LDLRAD3: variants seen among roughly 807,000 people sequenced by gnomAD.
LDLRAD3 encodes low-density lipoprotein receptor class A domain-containing protein 3.
Under a neutral mutation model 29.4 loss-of-function variants are expected in LDLRAD3, and 20 were observed. The ratio of observed to expected loss-of-function variants is 0.68; its 90% CI spans 0.48 to 0.99. The LOEUF is 0.99. Ranked by LOEUF, LDLRAD3 falls within the 50% of genes least tolerant of loss-of-function variation. The probability of loss-of-function intolerance (pLI) is 0.00; values close to 1 mark genes in which losing one functional copy is unlikely to be tolerated. For missense variants in LDLRAD3, 420 were observed against 454.3 expected (o/e 0.92, Z 0.69); for synonymous variants, 157 against 192.7 (o/e 0.81, Z 1.53).
chr11:35,946,514 C>T (rs371902864), intron 1 of LDLRAD3, among the ~76,000 whole-genome samples: 3 of 152,078 alleles, frequency 2.0e-5, no homozygotes, highest in Non-Finnish European at 4.4e-5. Context: ...TGATTTTCAC[C>T]GTTACTATTT....
chr11:36,080,887 A>G (rs994329669), intron 2 of LDLRAD3, among the ~76,000 whole-genome samples: 2 of 152,168 alleles, frequency 1.3e-5, no homozygotes, highest in African/African-American at 4.8e-5. Flanking sequence ...CACCAGGGAC[A>G]CTCACTAGAG....
At chr11:36,045,033 G>A (rs1226995879) in intron 2 of LDLRAD3, among the ~76,000 whole-genome samples, 1 of 152,220 alleles carries the variant, frequency 6.6e-6, no homozygotes, top group African/African-American at 2.4e-5. Flanking sequence ...CTTCAGCACT[G>A]TAGGCCTAGA....
chr11:36,178,392 C>G (rs1240942500), intron 4 of LDLRAD3, among the ~76,000 whole-genome samples: 1 of 152,024 alleles, frequency 6.6e-6, no homozygotes, highest in African/African-American at 2.4e-5. Flanking sequence ...TCTTTGACCT[C>G]CATGGTTCAT....
intron 4 of LDLRAD3, among the ~76,000 whole-genome samples, chr11:36,168,312 AGCATGCAATTTTTGGT>A (rs1212468793): frequency 1.3e-5 from 2 of 152,152 alleles, no homozygotes; most frequent in African/African-American, 4.8e-5. Flanking sequence ...ACTAAGCTTG[AGCATGCAATTTTTGGT>A]GCCTCCCTGA....
At chr11:35,950,841 TG>T (rs905225498) in intron 1 of LDLRAD3, among the ~76,000 whole-genome samples, 17 of 152,120 alleles carry the variant, frequency 1.1e-4, no homozygotes, top group African/African-American at 4.1e-4. Context: ...CCCAGCACTT[TG>T]GGGGGCCGAG....
At chr11:36,101,984 G>A (rs1375588453) in intron 4 of LDLRAD3, 1 of 232,256 alleles carries the variant, frequency 4.3e-6, no homozygotes, top group South Asian at 4.0e-5. Context: ...CGCCTCCCAG[G>A]TTCACGCCAT....
At chr11:36,161,367 C>G (rs2133338405) in intron 4 of LDLRAD3, among the ~76,000 whole-genome samples, 1 of 152,270 alleles carries the variant, frequency 6.6e-6, no homozygotes, top group South Asian at 2.1e-4. Context: ...AAGTAGAAAT[C>G]AGGCTCTGGC....
intron 1 of LDLRAD3, among the ~76,000 whole-genome samples, chr11:36,021,549 C>A (rs1269139264): frequency 6.6e-6 from 1 of 152,164 alleles, no homozygotes; most frequent in Non-Finnish European, 1.5e-5. Flanking sequence ...GGGAGGCCCC[C>A]TGGTGACTTT....
chr11:36,217,752 C>T (rs1194474099), intron 4 of LDLRAD3, among the ~76,000 whole-genome samples: 1 of 151,952 alleles, frequency 6.6e-6, no homozygotes, highest in Non-Finnish European at 1.5e-5. Context: ...TTCCTAGCTT[C>T]TGGGGCCGCT....
chr11:36,082,621 A>ATTTG (rs1554963514), intron 3 of LDLRAD3, among the ~76,000 whole-genome samples: 7 of 151,908 alleles, frequency 4.6e-5, no homozygotes, highest in Non-Finnish European at 8.8e-5. Context: ...GACCACCCTG[A>ATTTG]TTTGTTTTAC....
chr11:35,986,637 C>T (rs1190128827), intron 1 of LDLRAD3, among the ~76,000 whole-genome samples: 1 of 152,200 alleles, frequency 6.6e-6, no homozygotes, highest in East Asian at 1.9e-4. Context: ...ATTGAGACTC[C>T]ACCGTCTGCA....
At chr11:36,194,584 T>A (rs1855004437) in intron 4 of LDLRAD3, among the ~76,000 whole-genome samples, 1 of 152,142 alleles carries the variant, frequency 6.6e-6, no homozygotes, top group Non-Finnish European at 1.5e-5. Context: ...TTAGATACAG[T>A]CCTATTCTCC....
intron 1 of LDLRAD3, among the ~76,000 whole-genome samples, chr11:35,962,213 C>A (rs532937367): frequency 6.6e-6 from 1 of 151,982 alleles, no homozygotes; most frequent in Admixed American, 6.5e-5. Context: ...TTCTAAAATC[C>A]TCACGTTTTT....
chr11:36,103,405 T>TG (rs1283828275), intron 4 of LDLRAD3, among the ~76,000 whole-genome samples: 19 of 151,854 alleles, frequency 1.3e-4, no homozygotes, highest in African/African-American at 4.6e-4. Context: ...GCCCAGCTAA[T>TG]TTTTTTGTAT....
chr11:36,107,871 C>T (rs891730274), intron 4 of LDLRAD3, among the ~76,000 whole-genome samples: 5 of 152,172 alleles, frequency 3.3e-5, no homozygotes, highest in African/African-American at 1.2e-4. Flanking sequence ...CTACTGTGTG[C>T]CAGGCATTAT....
chr11:36,095,138 A>G (rs1452885434), intron 3 of LDLRAD3, among the ~76,000 whole-genome samples: 3 of 152,226 alleles, frequency 2.0e-5, no homozygotes, highest in African/African-American at 7.2e-5. Context: ...GTGAGGTATG[A>G]TTACACCACT....
intron 4 of LDLRAD3, among the ~76,000 whole-genome samples, chr11:36,176,253 A>G (rs557573988): frequency 1.3e-5 from 2 of 152,210 alleles, no homozygotes; most frequent in Admixed American, 6.5e-5. Flanking sequence ...ATTCTTATCC[A>G]TTCTGATATT....
chr11:36,081,574 C>T lies in LDLRAD3; in HGVS notation c.194-79C>T, dbSNP rs1254040757. The T allele has an allele frequency of 5.1e-6, 8 of 1,558,338 alleles. No individual in the cohort carries two copies. In the Admixed American group the frequency reaches 1.2e-4, roughly 23 times the overall value. ...TGAATCTTAAGTGGACTCATTTTCACATTCAGTGTTAGTGGGATGAGTATG... is the reference window on the plus strand; with the variant it reads ...TGAATCTTAAGTGGACTCATTTTCATATTCAGTGTTAGTGGGATGAGTATG... On this transcript the variant is annotated intron_variant, in intron 2 of 5. Coordinates refer to ENST00000315571, the MANE Select transcript of LDLRAD3 (RefSeq NM_174902.4).
At chr11:35,973,520 T>A (rs897729642) in intron 1 of LDLRAD3, among the ~76,000 whole-genome samples, 24 of 152,122 alleles carry the variant, frequency 1.6e-4, no homozygotes, top group African/African-American at 5.3e-4. Context: ...TGCAGTGGTG[T>A]GTGGCGTGAT....
Sources: allele counts gnomAD v4.1 joint callset (sites outside exome capture counted in the v4.1 genomes callset), GRCh38; gene constraint gnomAD v4.1.1; transcripts MANE v1.5; gene names NCBI Gene and HGNC (gene_info 2026-07-23, HGNC 2026-07-21).